The following CACNA1D variants were observed in gnomAD, a reference collection of about 807,000 sequenced individuals.
The protein encoded by CACNA1D is voltage-dependent L-type calcium channel subunit alpha-1D.
Under a neutral mutation model 257.1 loss-of-function variants are expected in CACNA1D, and 55 were observed. The observed-to-expected ratio is 0.21, with a 90% CI of 0.17 to 0.27. The LOEUF (loss-of-function observed/expected upper bound fraction) is 0.27. Among genes scored for constraint, CACNA1D ranks in the 10% least tolerant of loss-of-function variants. The pLI is 1.00. For missense variants in CACNA1D, 1,876 were observed against 2,784.0 expected (o/e 0.67, Z 7.34); for synonymous variants, 980 against 1,014.9 (o/e 0.97, Z 0.65).
chr3:53,511,354 C>T (rs181963834), intron 3 of CACNA1D, among the ~76,000 whole-genome samples: 7 of 152,178 alleles, frequency 4.6e-5, no homozygotes, highest in African/African-American at 1.7e-4. Context: ...CCAGCAGCGG[C>T]GGCGAAAAAG....
intron 3 of CACNA1D, among the ~76,000 whole-genome samples, chr3:53,611,136 T>C (rs1041243476): frequency 1.3e-5 from 2 of 152,178 alleles, no homozygotes; most frequent in East Asian, 1.9e-4. Flanking sequence ...CCCAGCACTT[T>C]AGGAGGCTGA....
chr3:53,708,953 A>T (rs911870420), intron 9 of CACNA1D, among the ~76,000 whole-genome samples: 1 of 152,158 alleles, frequency 6.6e-6, no homozygotes, highest in Non-Finnish European at 1.5e-5. Flanking sequence ...TTAAAGCAAA[A>T]TGTTGGCTCT....
At chr3:53,635,438 A>T (rs1257815593) in intron 3 of CACNA1D, among the ~76,000 whole-genome samples, 1 of 152,100 alleles carries the variant, frequency 6.6e-6, no homozygotes, top group Non-Finnish European at 1.5e-5. Context: ...TTGTTTCTCA[A>T]TGAGCCATTT....
At chr3:53,787,028 C>A in intron 40 of CACNA1D, 76 bp downstream of exon 40, 1 of 1,484,198 alleles carries the variant, frequency 6.7e-7, no homozygotes, top group Admixed American at 1.7e-5. Flanking sequence ...AGAGAGCTGC[C>A]TATTCATGGT....
At chr3:53,630,287 A>T (rs553765874) in intron 3 of CACNA1D, among the ~76,000 whole-genome samples, 1 of 152,364 alleles carries the variant, frequency 6.6e-6, no homozygotes, top group South Asian at 2.1e-4. Context: ...GAACAAGAAC[A>T]TAAAGATACA....
chr3:53,625,103 C>G (rs980339822), intron 3 of CACNA1D, among the ~76,000 whole-genome samples: 4 of 152,160 alleles, frequency 2.6e-5, no homozygotes, highest in Non-Finnish European at 4.4e-5. Context: ...TCCCTGGTAG[C>G]AGGCAGAGCT....
intron 3 of CACNA1D, among the ~76,000 whole-genome samples, chr3:53,601,193 A>G (rs1364046801): frequency 6.6e-6 from 1 of 152,172 alleles, no homozygotes; most frequent in Non-Finnish European, 1.5e-5. Context: ...CTCCTTGAGA[A>G]CCATCGATGT....
intron 29 of CACNA1D, among the ~76,000 whole-genome samples, chr3:53,757,725 A>C: frequency 6.6e-6 from 1 of 151,920 alleles, no homozygotes. Flanking sequence ...TCCCCACCCC[A>C]TCCCCAGGTG....
chr3:53,747,231 G>A, intron 25 of CACNA1D, 71 bp from the exon 26 acceptor site: 1 of 1,349,698 alleles, frequency 7.4e-7, no homozygotes, highest in Non-Finnish European at 1.1e-6. Context: ...TTGGGGCAGT[G>A]TGTCCAACTT....
chr3:53,674,119 C>G (rs1559498610), intron 8 of CACNA1D: 1 of 498,510 alleles, frequency 2.0e-6, no homozygotes, highest in African/African-American at 1.9e-5. Flanking sequence ...GCCTTGGTCT[C>G]CCCCAGGAAA....
intron 9 of CACNA1D, among the ~76,000 whole-genome samples, chr3:53,705,317 C>G (rs1035573724): frequency 1.3e-5 from 2 of 151,932 alleles, no homozygotes; most frequent in Non-Finnish European, 2.9e-5. Flanking sequence ...ACAAGGTGTG[C>G]GAAGTGACAA....
At chr3:53,498,770 A>G (rs1043067114) in intron 2 of CACNA1D, among the ~76,000 whole-genome samples, 1 of 152,186 alleles carries the variant, frequency 6.6e-6, no homozygotes, top group Non-Finnish European at 1.5e-5. Flanking sequence ...AAAATGAGGT[A>G]ACTGTCTAGA....
chr3:53,640,974 C>G (rs1279828557), intron 3 of CACNA1D, among the ~76,000 whole-genome samples: 4 of 149,638 alleles, frequency 2.7e-5, no homozygotes, highest in Non-Finnish European at 4.4e-5. Flanking sequence ...AAATGAAACT[C>G]CTTAGTCTTC....
chr3:53,718,711 A>G lies in CACNA1D; in HGVS notation c.1478+323A>G. The G allele has an allele frequency of 2.6e-6, 4 of 1,559,838 alleles. No individual in the cohort carries two copies. In the South Asian group the frequency reaches 3.5e-5, roughly 14 times the overall value. ...TGGTGGAGACGGAGAGGCGCGGCCA[A>G]GGCGGGGCCCTCTGGGTGTCGGCGG... is the stretch of plus-strand genomic sequence containing the variant. On this transcript the variant is annotated intron_variant, in intron 10 of 47. Coordinates refer to ENST00000350061, the MANE Select transcript of CACNA1D (RefSeq NM_001128840.3).
intron 3 of CACNA1D, among the ~76,000 whole-genome samples, chr3:53,626,958 A>G (rs920093538): frequency 4.6e-5 from 7 of 151,942 alleles, no homozygotes; most frequent in African/African-American, 1.5e-4. Flanking sequence ...TGCTCTCCCT[A>G]CCTCTCAGCT....
At chr3:53,591,473 T>C (rs536144312) in intron 3 of CACNA1D, among the ~76,000 whole-genome samples, 5 of 152,260 alleles carry the variant, frequency 3.3e-5, no homozygotes, top group African/African-American at 1.2e-4. Flanking sequence ...AGGCTGGTCT[T>C]GAACTCCTGA....
chr3:53,792,869 C>T (rs1322438260), intron 40 of CACNA1D, among the ~76,000 whole-genome samples: 1 of 152,172 alleles, frequency 6.6e-6, no homozygotes, highest in Admixed American at 6.5e-5. Context: ...GGAAATGGGC[C>T]TAGCTCCCGA....
intron 3 of CACNA1D, among the ~76,000 whole-genome samples, chr3:53,579,256 C>T (rs2093090855): frequency 6.6e-6 from 1 of 152,314 alleles, no homozygotes; most frequent in African/African-American, 2.4e-5. Flanking sequence ...CATTCCAAGG[C>T]GTTCTGGAAT....
intron 9 of CACNA1D, among the ~76,000 whole-genome samples, chr3:53,704,218 G>A (rs1011277569): frequency 1.3e-5 from 2 of 152,104 alleles, no homozygotes; most frequent in African/African-American, 4.8e-5. Flanking sequence ...CTTCTTGACT[G>A]AGAGGGCCCT....
Sources: gnomAD v4.1 joint callset for allele counts (sites outside exome capture counted in the v4.1 genomes callset) on GRCh38, gnomAD v4.1.1 for gene constraint, MANE v1.5 for transcripts, NCBI Gene and HGNC (gene_info 2026-07-23, HGNC 2026-07-21) for gene names.